SLC2A12: variants seen among roughly 807,000 people sequenced by gnomAD.
SLC2A12 encodes the protein solute carrier family 2, facilitated glucose transporter member 12.
Under a neutral mutation model 41.8 loss-of-function variants are expected in SLC2A12, and 23 were observed. That is an observed-to-expected ratio of 0.55 (90% CI 0.40 to 0.78). The LOEUF (loss-of-function observed/expected upper bound fraction) is 0.78. SLC2A12 is among the 30% of genes least tolerant of loss of function. The pLI is 0.00. For synonymous variants in SLC2A12, 295 were observed against 285.9 expected, an observed-to-expected ratio of 1.03 and a Z score of -0.32; for missense variants, 654 against 745.6, an observed-to-expected ratio of 0.88 and a Z score of 1.43.
intron 1 of SLC2A12, among the ~76,000 whole-genome samples, chr6:134,032,830 A>G (rs902130387): frequency 4.4e-4 from 63 of 143,908 alleles, no homozygotes; most frequent in African/African-American, 1.5e-3. Context: ...TATAAATTAT[A>G]TATTATTTAT....
At chr6:134,023,588 G>T (rs1210306783) in intron 2 of SLC2A12, among the ~76,000 whole-genome samples, 1 of 152,150 alleles carries the variant, frequency 6.6e-6, no homozygotes, top group East Asian at 1.9e-4. Flanking sequence ...TCAGCTCAAG[G>T]GAGATAATTA....
In SLC2A12 at chr6:133,997,954, T is replaced by C. The variant is rs1368786948; in HGVS notation, c.1700+4043A>G. On this transcript the variant is annotated intron_variant, in intron 4 of 4. Coordinates refer to ENST00000275230, the MANE Select transcript of SLC2A12 (RefSeq NM_145176.3). Reference sequence around the variant, plus strand: ...ATCTCATCTTTCATAATTGCCTTTATTTTTGTTCTTCATTACAAACCTTGC... The same window carrying C: ...ATCTCATCTTTCATAATTGCCTTTACTTTTGTTCTTCATTACAAACCTTGC... Among the ~76,000 whole-genome samples the C allele has an allele frequency of 3.9e-5, 6 of 152,232 alleles. No individual in the cohort carries two copies. The East Asian group carries it at 9.6e-4, about 24-fold the overall frequency.
intron 1 of SLC2A12, among the ~76,000 whole-genome samples, chr6:134,048,807 C>A (rs777236490): frequency 2.6e-5 from 4 of 152,150 alleles, no homozygotes; most frequent in Non-Finnish European, 5.9e-5. Flanking sequence ...AGGTAACTGG[C>A]CTCTTACTAG....
chr6:133,993,364 C>T (rs148996340), intron 4 of SLC2A12, among the ~76,000 whole-genome samples: 84 of 152,326 alleles, frequency 5.5e-4, no homozygotes, highest in East Asian at 3.3e-3. Context: ...GAGCTCTATT[C>T]TGTCCTGAGC....
intron 4 of SLC2A12, among the ~76,000 whole-genome samples, chr6:133,994,697 G>T (rs944618989): frequency 6.6e-6 from 1 of 152,168 alleles, no homozygotes; most frequent in Non-Finnish European, 1.5e-5. Flanking sequence ...TCCAACCTGG[G>T]CGACAGAGCG....
At chr6:134,030,486 C>T (rs995661080) in intron 1 of SLC2A12, among the ~76,000 whole-genome samples, 4 of 151,970 alleles carry the variant, frequency 2.6e-5, no homozygotes, top group Non-Finnish European at 5.9e-5. Flanking sequence ...ATTGTTCTTT[C>T]GTTAATGTTC....
intron 4 of SLC2A12, among the ~76,000 whole-genome samples, chr6:133,993,494 G>GT (rs1392185966): frequency 5.3e-5 from 8 of 152,136 alleles, no homozygotes; most frequent in Non-Finnish European, 8.8e-5. Context: ...TTTCATTCAT[G>GT]TTTTTTCATC....
Position 134,029,711 on chromosome 6 carries a change from C to T in SLC2A12, c.114G>A (p.Met38Ile), listed in dbSNP as rs1777174658. 9 of 1,596,602 alleles carry T rather than the reference C, an allele frequency of 5.6e-6. No homozygotes were observed. The highest frequency in any genetic ancestry group is 2.2e-5 in the East Asian group (1 of 44,680). ...RHPPWARGCG[M>I]FTFLSSVTAA... is the part of the protein sequence containing the mutation. The stretch of plus-strand genomic sequence containing the variant: ...CAGTGACAGATGACAGGAAGGTAAA[C>T]ATGCCGCAGCCTGCAAGCAGAGAGA... The change falls in exon 2 of 5, where the codon ATG becomes ATA. Residue 38 changes from methionine (M) to isoleucine (I), a missense_variant. This residue lies in a region of SLC2A12 where 109 missense variants were observed against 153.0 expected (regional missense o/e 0.71). Coordinates refer to ENST00000275230, the MANE Select transcript of SLC2A12 (RefSeq NM_145176.3).
intron 2 of SLC2A12, among the ~76,000 whole-genome samples, chr6:134,011,036 G>A (rs1776874768): frequency 6.6e-6 from 1 of 152,116 alleles, no homozygotes; most frequent in Non-Finnish European, 1.5e-5. Context: ...GGTTTGAAAG[G>A]CTCACAGAGG....
At chr6:134,000,137 A>C (rs1176352212) in intron 4 of SLC2A12, among the ~76,000 whole-genome samples, 2 of 152,080 alleles carry the variant, frequency 1.3e-5, no homozygotes, top group Non-Finnish European at 2.9e-5. Flanking sequence ...TCACAATTTT[A>C]TTTCCCATTG....
Position 133,990,993 on chromosome 6 carries a change from G to C in SLC2A12, c.*162C>G. The C allele has an allele frequency of 1.3e-6, 1 of 757,936 alleles. No homozygotes were observed. The highest frequency in any genetic ancestry group is 2.0e-6 in the Non-Finnish European group (1 of 491,520). 47.0% of individuals were successfully genotyped at this position (757,936 alleles called of 1,614,324 possible). ...ATCTACCTTTTGAGGTTCCTTCTGGGGAGGAGGGGGATTAAAGGCTGTCTT... is the reference window on the plus strand; with the variant it reads ...ATCTACCTTTTGAGGTTCCTTCTGGCGAGGAGGGGGATTAAAGGCTGTCTT... On this transcript the variant is annotated 3_prime_UTR_variant, in exon 5 of 5. Transcript: ENST00000275230.
At chr6:134,002,772 G>C (rs17063258) in intron 3 of SLC2A12, among the ~76,000 whole-genome samples, 3,667 of 152,260 alleles carry the variant, frequency 0.024, 145 homozygotes, top group African/African-American at 0.083. Flanking sequence ...AGTGATCATG[G>C]ATCCAGTAAA....
In SLC2A12 at chr6:134,052,250, T is replaced by TACACACACACACACACACACACAC. The variant is rs55702666; in HGVS notation, c.103+104_103+127dup. 6.4e-4 allele frequency: 239 copies of TACACACACACACACACACACACAC among 371,402 alleles called. 4 individuals carry two copies. The highest frequency in any genetic ancestry group is 2.5e-3 in the South Asian group (57 of 22,784). 23.0% of individuals were successfully genotyped at this position (371,402 alleles called of 1,614,324 possible). ...GCGCGCCCACATGCGCGCGCGCGCA[T>TACACACACACACACACACACACAC]ACACACACACACACACACACACACA... On this transcript the variant is annotated intron_variant, in intron 1 of 4. Transcript: ENST00000275230.
chr6:134,044,520 C>T (rs1049321633), intron 1 of SLC2A12, among the ~76,000 whole-genome samples: 1 of 152,024 alleles, frequency 6.6e-6, no homozygotes, highest in Non-Finnish European at 1.5e-5. Context: ...TTGAGACCAG[C>T]CTGGCCAACA....
At chr6:133,993,525 T>A (rs1776649330) in intron 4 of SLC2A12, among the ~76,000 whole-genome samples, 3 of 152,204 alleles carry the variant, frequency 2.0e-5, no homozygotes, top group Non-Finnish European at 4.4e-5. Context: ...CGAGCTTCGA[T>A]TATATGCCAA....
rs559572622 is a variant in SLC2A12 at position 134,029,546 on chromosome 6, G to A, written c.279C>T (p.Ala93=). 8.7e-6 allele frequency: 14 copies of A among 1,614,162 alleles called. No homozygotes were observed. Among genetic ancestry groups the A allele is most frequent in the African/African-American group, 4.0e-5 (3 of 75,042 alleles). Reference sequence around the variant, plus strand: ...CTATCAGGACCCCTCCGGTGAGTGAGGCAAGGAGGGCTCCAATGACGAGGG... The same window carrying A: ...CTATCAGGACCCCTCCGGTGAGTGAAGCAAGGAGGGCTCCAATGACGAGGG... ...VSSLVIGALL[A]SLTGGVLIDR... The change falls in exon 2 of 5, where the codon GCC becomes GCT. Residue 93 remains alanine (A), a synonymous_variant. Coordinates refer to ENST00000275230, the MANE Select transcript of SLC2A12 (RefSeq NM_145176.3).
At chr6:134,003,921 A>C (rs1776781420) in intron 3 of SLC2A12, among the ~76,000 whole-genome samples, 1 of 152,238 alleles carries the variant, frequency 6.6e-6, no homozygotes, top group African/African-American at 2.4e-5. Context: ...GTAGAACCTC[A>C]CGTCTTTTAG....
In SLC2A12 at chr6:134,031,086, C is replaced by A. The variant is rs78503247; in HGVS notation, c.104-1365G>T. On this transcript the variant is annotated intron_variant, in intron 1 of 4. Coordinates refer to ENST00000275230, the MANE Select transcript of SLC2A12 (RefSeq NM_145176.3). ...GGCAGATTCAAGACTTATTTTGGAG[C>A]TAAAAACCACTACACTTGTTCAGGG... is the stretch of plus-strand genomic sequence containing the variant. Among the ~76,000 whole-genome samples the A allele has an allele frequency of 3.9e-3, 601 of 152,194 alleles. 1 individual carries two copies. Among genetic ancestry groups the A allele is most frequent in the African/African-American group, 0.014 (561 of 41,504 alleles).
chr6:134,032,809 A>G (rs903920639), intron 1 of SLC2A12, among the ~76,000 whole-genome samples: 7 of 131,974 alleles, frequency 5.3e-5, no homozygotes, highest in Admixed American at 8.1e-5. Flanking sequence ...TATATAATTT[A>G]TATCTATATA....
Sources: gnomAD v4.1 joint callset for allele counts (sites outside exome capture counted in the v4.1 genomes callset) on GRCh38, gnomAD v4.1.1 for gene constraint, gnomAD v4.1.1 regional missense constraint, MANE v1.5 for transcripts, NCBI Gene and HGNC (gene_info 2026-07-23, HGNC 2026-07-21) for gene names.